ERC1: variants seen among roughly 807,000 people sequenced by gnomAD.
The protein encoded by ERC1 is RAB6 interacting protein 2.
ERC1 carries 56 observed loss-of-function variants against 132.0 expected under a neutral mutation model. That is an observed-to-expected ratio of 0.42 (90% CI 0.34 to 0.53). The LOEUF (loss-of-function observed/expected upper bound fraction) is 0.53. Ranked by LOEUF, ERC1 falls within the 20% of genes least tolerant of loss-of-function variation. The pLI is 0.03. For missense variants in ERC1, 1,202 were observed against 1,349.9 expected, an observed-to-expected ratio of 0.89 and a Z score of 1.72; for synonymous variants, 478 against 476.1, an observed-to-expected ratio of 1.00 and a Z score of -0.05.
In ERC1 at chr12:1,005,749, G is replaced by C. The variant is rs138758550; in HGVS notation, c.-157+14427G>C. On this transcript the variant is annotated intron_variant, in intron 1 of 18. Coordinates refer to ENST00000360905, the MANE Select transcript of ERC1 (RefSeq NM_178040.4). ...AATTGAAAATGGGCATAAATTATTT[G>C]TTAAGTTTGAACTTGACAAATGCAG... Among the ~76,000 whole-genome samples the C allele has an allele frequency of 9.6e-4, 146 of 152,012 alleles. 1 individual carries two copies. The highest frequency in any genetic ancestry group is 1.6e-3 in the Admixed American group (24 of 15,266).
At chr12:1,309,649 T>C (rs1250883744) in intron 15 of ERC1, among the ~76,000 whole-genome samples, 1 of 151,926 alleles carries the variant, frequency 6.6e-6, no homozygotes, top group Non-Finnish European at 1.5e-5. Context: ...ACTCTTGCTC[T>C]AACAGACACA....
At chr12:1,357,637 C>T (rs2085671401) in intron 15 of ERC1, among the ~76,000 whole-genome samples, 1 of 152,164 alleles carries the variant, frequency 6.6e-6, no homozygotes, top group Non-Finnish European at 1.5e-5. Flanking sequence ...GAAGGGACTA[C>T]ATCTTCATAT....
chr12:1,287,687 C>G (rs2079132904), intron 14 of ERC1, among the ~76,000 whole-genome samples: 1 of 152,186 alleles, frequency 6.6e-6, no homozygotes. Context: ...GCCTGCTCGC[C>G]TTCAGACTGG....
At chr12:1,458,769 C>CTCAAG (rs1340044504) in intron 18 of ERC1, among the ~76,000 whole-genome samples, 1 of 152,152 alleles carries the variant, frequency 6.6e-6, no homozygotes, top group Non-Finnish European at 1.5e-5. Context: ...AGCTCCTGAC[C>CTCAAG]TCAGGTGACC....
At chr12:1,357,875 G>C (rs774122602) in intron 15 of ERC1, among the ~76,000 whole-genome samples, 19 of 152,104 alleles carry the variant, frequency 1.2e-4, no homozygotes, top group Non-Finnish European at 2.4e-4. Flanking sequence ...GATCTCCAGC[G>C]CAGATCAGTG....
At chr12:1,122,703 C>CTATCTCTATCTCTA (rs1202737827) in intron 7 of ERC1, among the ~76,000 whole-genome samples, 1 of 152,054 alleles carries the variant, frequency 6.6e-6, no homozygotes, top group African/African-American at 2.4e-5. Flanking sequence ...ATCTAAATCT[C>CTATCTCTATCTCTA]TGAAACAGCT....
At chr12:1,114,172 C>T (rs1308315822) in intron 6 of ERC1, among the ~76,000 whole-genome samples, 10 of 151,892 alleles carry the variant, frequency 6.6e-5, no homozygotes, top group South Asian at 4.2e-4. Context: ...TACAGGCATG[C>T]GCCACCATGC....
intron 17 of ERC1, among the ~76,000 whole-genome samples, chr12:1,425,249 T>C (rs577053625): frequency 9.7e-4 from 148 of 152,296 alleles, no homozygotes; most frequent in Admixed American, 1.5e-3. Context: ...GGATTGTGCT[T>C]GGTAGTTGGC....
At chr12:1,223,325 G>C (rs1025917954) in intron 12 of ERC1, among the ~76,000 whole-genome samples, 10 of 152,228 alleles carry the variant, frequency 6.6e-5, no homozygotes, top group African/African-American at 2.4e-4. Context: ...CAGAGGCTTA[G>C]AGCAGCAATA....
At chr12:1,449,224 C>G (rs969047279) in intron 18 of ERC1, among the ~76,000 whole-genome samples, 1 of 152,070 alleles carries the variant, frequency 6.6e-6, no homozygotes, top group Non-Finnish European at 1.5e-5. Context: ...AAGGGACTTG[C>G]CTCGCCTTAT....
intron 17 of ERC1, among the ~76,000 whole-genome samples, chr12:1,442,747 G>A (rs911133991): frequency 5.3e-5 from 8 of 151,942 alleles, no homozygotes; most frequent in African/African-American, 1.9e-4. Flanking sequence ...ACATAGTTTC[G>A]GTCATATATA....
At position 1,490,981 on chromosome 12, in the gene ERC1, G is replaced by A. The variant is rs776768179; in HGVS notation, c.*751G>A. ...GTCTCTCCTGTTTGAGACTGTTGAC[G>A]TTATCATACTGAGGTGTTAGATCAA... On this transcript the variant is annotated 3_prime_UTR_variant, in exon 19 of 19. Coordinates refer to ENST00000360905, the MANE Select transcript of ERC1 (RefSeq NM_178040.4). The A allele has an allele frequency of 1.8e-4, 43 of 232,800 alleles. No individual in the cohort carries two copies. Among genetic ancestry groups the A allele is most frequent in the East Asian group, 3.0e-4 (5 of 16,526 alleles). The allele number at this position is 232,800 out of a possible 1,614,324, so 14.4% of individuals were successfully genotyped here. A position where few individuals can be genotyped will look rare whatever the true frequency, so the allele number is the denominator to read the frequency against.
chr12:1,046,068 AAAATAT>A (rs1482462358), intron 2 of ERC1, among the ~76,000 whole-genome samples: 5 of 152,178 alleles, frequency 3.3e-5, no homozygotes, highest in Admixed American at 1.3e-4. Flanking sequence ...CTAGCAAAAT[AAAATAT>A]AAATAACAGA....
intron 12 of ERC1, among the ~76,000 whole-genome samples, chr12:1,212,400 C>T (rs1331515456): frequency 1.3e-5 from 2 of 152,106 alleles, no homozygotes; most frequent in Non-Finnish European, 2.9e-5. Flanking sequence ...GGAAGCCTTT[C>T]CTGATCATCA....
intron 7 of ERC1, among the ~76,000 whole-genome samples, chr12:1,119,330 A>G (rs972116504): frequency 3.3e-5 from 5 of 151,824 alleles, no homozygotes; most frequent in African/African-American, 9.7e-5. Flanking sequence ...AAGGTACAGT[A>G]TATATGGAAT....
intron 7 of ERC1, among the ~76,000 whole-genome samples, chr12:1,140,638 G>A (rs1043888623): frequency 1.3e-5 from 2 of 152,020 alleles, no homozygotes; most frequent in Admixed American, 6.6e-5. Context: ...TTTAATCCAC[G>A]TTCAGATAGG....
chr12:1,236,918 G>T lies in ERC1; in HGVS notation c.2487+14G>T. 6.2e-7 allele frequency: 1 copy of T among 1,613,592 alleles called. No homozygotes were observed. The highest frequency in any genetic ancestry group is 8.5e-7 in the Non-Finnish European group (1 of 1,179,648). On this transcript the variant is annotated intron_variant, in intron 13 of 18. Coordinates refer to ENST00000360905, the MANE Select transcript of ERC1 (RefSeq NM_178040.4). Reference sequence around the variant, plus strand: ...CAGCAGCTACAGGTTAGAACACAAGGAGAATCTGAAAGGATCGGGTGAAGA... The same window carrying T: ...CAGCAGCTACAGGTTAGAACACAAGTAGAATCTGAAAGGATCGGGTGAAGA...
At chr12:1,023,756 A>G (rs1380377426) in intron 1 of ERC1, among the ~76,000 whole-genome samples, 1 of 152,240 alleles carries the variant, frequency 6.6e-6, no homozygotes, top group Non-Finnish European at 1.5e-5. Context: ...AGAAAAGAGC[A>G]TATGATATAA....
intron 3 of ERC1, among the ~76,000 whole-genome samples, chr12:1,104,310 A>G (rs1945008267): frequency 6.6e-6 from 1 of 152,150 alleles, no homozygotes; most frequent in Non-Finnish European, 1.5e-5. Flanking sequence ...TTGTCAACAC[A>G]GATTGCTTTC....
Sources: gnomAD v4.1 joint callset for allele counts (sites outside exome capture counted in the v4.1 genomes callset) on GRCh38, gnomAD v4.1.1 for gene constraint, MANE v1.5 for transcripts, NCBI Gene and HGNC (gene_info 2026-07-23, HGNC 2026-07-21) for gene names.